Variants in TMEM132B observed in about 807,000 individuals in gnomAD.
The protein encoded by TMEM132B is transmembrane protein 132B.
TMEM132B carries 18 observed loss-of-function variants against 90.8 expected under a neutral mutation model. The observed-to-expected ratio is 0.20, with a 90% confidence interval of 0.14 to 0.29. TMEM132B has a LOEUF of 0.29. Ranked by LOEUF, TMEM132B falls within the 10% of genes least tolerant of loss-of-function variation. TMEM132B has a pLI of 1.00. For synonymous variants in TMEM132B, 504 were observed against 523.3 expected (o/e 0.96, Z 0.50); for missense variants, 1,096 against 1,326.8 (o/e 0.83, Z 2.70).
rs1279601731 is a variant in TMEM132B at position 125,279,406 on chromosome 12, T to A, written c.68-70046T>A. Among the ~76,000 whole-genome samples, 4 of 152,324 alleles carry A rather than the reference T, an allele frequency of 2.6e-5. No individual in the cohort carries two copies. The South Asian group carries it at 8.3e-4, about 32-fold the overall frequency. On this transcript the variant is annotated intron_variant, in intron 1 of 8. Transcript: ENST00000682704. Reference sequence around the variant, plus strand: ...CTTGGTTCCTAGACTGTACAAACCATGTGACTTATGGTGAACACTTGCTTT... The same window carrying A: ...CTTGGTTCCTAGACTGTACAAACCAAGTGACTTATGGTGAACACTTGCTTT...
At chr12:125,425,353 G>T (rs1047425919) in intron 3 of TMEM132B, among the ~76,000 whole-genome samples, 3 of 152,174 alleles carry the variant, frequency 2.0e-5, no homozygotes, top group Non-Finnish European at 4.4e-5. Context: ...TGGAAAGAAA[G>T]TATAGCAAAT....
At chr12:125,433,037 T>C (rs1880588578) in intron 3 of TMEM132B, among the ~76,000 whole-genome samples, 1 of 152,260 alleles carries the variant, frequency 6.6e-6, no homozygotes, top group East Asian at 1.9e-4. Context: ...CATCTTACTT[T>C]AAGCAAGTGT....
chr12:125,554,285 CATG>C (rs1247286092), intron 4 of TMEM132B, among the ~76,000 whole-genome samples: 1 of 151,420 alleles, frequency 6.6e-6, no homozygotes, highest in African/African-American at 2.4e-5. Flanking sequence ...ATTAGCCTGG[CATG>C]GTGGTGGGCG....
rs917281654 is a variant in TMEM132B at position 125,519,293 on chromosome 12, G to C, written c.1107-146G>C. ...GCTGCTGATGGGCAGCTGTGAATTAGGCTCCGACAACACTGCCGTGTGAGT... is the reference window on the plus strand; with the variant it reads ...GCTGCTGATGGGCAGCTGTGAATTACGCTCCGACAACACTGCCGTGTGAGT... On this transcript the variant is annotated intron_variant, in intron 3 of 8. Coordinates refer to ENST00000682704, the MANE Select transcript of TMEM132B (RefSeq NM_001366854.1). The C allele has an allele frequency of 1.0e-5, 8 of 783,566 alleles. No individual in the cohort carries two copies. The Admixed American group carries it at 2.1e-4, about 21-fold the overall frequency. The allele number at this position is 783,566 out of a possible 1,614,324, so 48.5% of individuals were successfully genotyped here. A position where few individuals can be genotyped will look rare whatever the true frequency, so the allele number is the denominator to read the frequency against.
intron 1 of TMEM132B, among the ~76,000 whole-genome samples, chr12:125,286,439 G>C (rs775628340): frequency 3.9e-5 from 6 of 152,168 alleles, no homozygotes; most frequent in Non-Finnish European, 7.4e-5. Flanking sequence ...CCTGACTCTG[G>C]GTTCTTCAAG....
chr12:125,502,032 A>G (rs1882712353), intron 3 of TMEM132B, among the ~76,000 whole-genome samples: 1 of 152,122 alleles, frequency 6.6e-6, no homozygotes, highest in Admixed American at 6.5e-5. Flanking sequence ...GCACGCACGA[A>G]TGCATGTGTG....
chr12:125,365,547 T>G (rs1878102623), intron 2 of TMEM132B, among the ~76,000 whole-genome samples: 1 of 152,138 alleles, frequency 6.6e-6, no homozygotes, highest in Non-Finnish European at 1.5e-5. Flanking sequence ...TTATTTCCCT[T>G]CAGCATGTAT....
At chr12:125,503,034 T>C (rs1882740272) in intron 3 of TMEM132B, among the ~76,000 whole-genome samples, 1 of 152,186 alleles carries the variant, frequency 6.6e-6, no homozygotes, top group Admixed American at 6.5e-5. Context: ...GCAGGTGCGG[T>C]CCCAGACTCC....
intron 1 of TMEM132B, among the ~76,000 whole-genome samples, chr12:125,304,079 T>C (rs770389202): frequency 1.3e-5 from 2 of 152,224 alleles, no homozygotes; most frequent in African/African-American, 2.4e-5. Context: ...AAATCAGGCA[T>C]TAGTTAGATT....
At chr12:125,368,976 C>G (rs1878214517) in intron 2 of TMEM132B, among the ~76,000 whole-genome samples, 1 of 152,022 alleles carries the variant, frequency 6.6e-6, no homozygotes, top group African/African-American at 2.4e-5. Context: ...CACTCATTAA[C>G]TCGTCATTTA....
chr12:125,605,067 T>C (rs887009077), intron 5 of TMEM132B, among the ~76,000 whole-genome samples: 1 of 152,202 alleles, frequency 6.6e-6, no homozygotes, highest in African/African-American at 2.4e-5. Flanking sequence ...CTTGGGTGAT[T>C]CTTGGCCCAT....
At chr12:125,620,244 C>T (rs562260440) in intron 5 of TMEM132B, among the ~76,000 whole-genome samples, 1 of 152,266 alleles carries the variant, frequency 6.6e-6, no homozygotes, top group East Asian at 1.9e-4. Context: ...TTTTTAATAT[C>T]TATACATTTA....
At chr12:125,401,474 A>C (rs1031919436) in intron 2 of TMEM132B, among the ~76,000 whole-genome samples, 6 of 152,158 alleles carry the variant, frequency 3.9e-5, no homozygotes, top group African/African-American at 1.4e-4. Flanking sequence ...TGGTCTAGGA[A>C]AACTTCACTG....
intron 3 of TMEM132B, among the ~76,000 whole-genome samples, chr12:125,499,952 C>T (rs1592957818): frequency 6.6e-6 from 1 of 151,978 alleles, no homozygotes; most frequent in African/African-American, 2.4e-5. Context: ...CCTATGTGAC[C>T]ATCTCACCTC....
At chr12:125,616,652 C>T (rs961822) in intron 5 of TMEM132B, among the ~76,000 whole-genome samples, 26,463 of 152,052 alleles carry the variant, frequency 0.17, 2,898 homozygotes, top group East Asian at 0.37. Context: ...AAAAATATAT[C>T]GAAATATATT....
chr12:125,417,383 C>T (rs993013321), intron 3 of TMEM132B, among the ~76,000 whole-genome samples: 11 of 152,118 alleles, frequency 7.2e-5, no homozygotes, highest in East Asian at 1.9e-4. Flanking sequence ...GTATTATTTC[C>T]GGGCTTTGTA....
chr12:125,537,106 A>G (rs1333180076), intron 4 of TMEM132B, among the ~76,000 whole-genome samples: 1 of 152,176 alleles, frequency 6.6e-6, no homozygotes, highest in Non-Finnish European at 1.5e-5. Flanking sequence ...CCAGGACACC[A>G]CCATGATACC....
rs554776176 is a variant in TMEM132B at position 125,653,795 on chromosome 12, G to A, written c.2337G>A (p.Arg779=). 335 of 1,614,198 alleles carry A rather than the reference G, an allele frequency of 2.1e-4. 5 individuals are homozygous for A. The South Asian group carries it at 3.3e-3, about 16-fold the overall frequency. ...GTGAACCTTGTCAGAAGACCAAGAG[G>A]AAGAGTGTTCTTGCCGTGGGTAAAG... ...MISEPCQKTK[R]KSVLAVGKGN... is the part of the protein sequence containing the mutation. The change falls in exon 9 of 9, where the codon AGG becomes AGA. Residue 779 remains arginine (R), a synonymous_variant. Transcript: ENST00000682704.
chr12:125,287,411 A>G (rs1023464823), intron 1 of TMEM132B, among the ~76,000 whole-genome samples: 3 of 152,136 alleles, frequency 2.0e-5, no homozygotes, highest in Non-Finnish European at 2.9e-5. Flanking sequence ...AATTCTGTCT[A>G]CTACAGTACA....
Sources: allele counts gnomAD v4.1 joint callset (sites outside exome capture counted in the v4.1 genomes callset), GRCh38; gene constraint gnomAD v4.1.1; transcripts MANE v1.5; gene names NCBI Gene and HGNC (gene_info 2026-07-23, HGNC 2026-07-21).